The following IL4I1 variants were observed in gnomAD, a reference collection of about 807,000 sequenced individuals.
IL4I1 encodes the protein L-amino-acid oxidase.
A neutral mutation model predicts 29.7 loss-of-function variants in IL4I1; 24 were observed. The ratio of observed to expected loss-of-function variants is 0.81; its 90% CI spans 0.59 to 1.14. The LOEUF (loss-of-function observed/expected upper bound fraction) is 1.14, where lower values mean the gene tolerates loss of function less well. IL4I1 is among the 50% of genes most tolerant of loss of function. The probability of loss-of-function intolerance (pLI) is 0.00; values close to 1 mark genes in which losing one functional copy is unlikely to be tolerated. For missense variants in IL4I1, 686 were observed against 785.6 expected (o/e 0.87, Z 1.52); for synonymous variants, 371 against 352.5 (o/e 1.05, Z -0.59).
At chr19:49,897,864 T>C (rs1282847597), upstream of IL4I1, among the ~76,000 whole-genome samples, 1 of 149,208 alleles carries the variant, frequency 6.7e-6, no homozygotes, top group East Asian at 2.0e-4. Flanking sequence ...AGAAGGAAGA[T>C]GGGAAACTCC....
chr19:49,911,811 C>A lies in IL4I1; in HGVS notation c.-227-7490G>T, dbSNP rs563705205. Among the ~76,000 whole-genome samples, 3 of 152,306 alleles carry A rather than the reference C, an allele frequency of 2.0e-5. No homozygotes were observed. The East Asian group carries it at 5.8e-4, about 29-fold the overall frequency. On this transcript the variant is annotated intron_variant, in intron 2 of 9. Coordinates refer to the IL4I1 transcript ENST00000341114. ...CTGTGGCCCTGGCATTTTCATAAAG[C>A]TTTCCTGGGGGATTCTGAGAAAGGT... is the stretch of plus-strand genomic sequence containing the variant.
At chr19:49,907,959 G>T in intron 2 of IL4I1, 1 of 570,134 alleles carries the variant, frequency 1.8e-6, no homozygotes, top group Non-Finnish European at 3.0e-6. Flanking sequence ...ACCAGGCTGA[G>T]CCAGGATGAG....
At chr19:49,894,181 T>C in intron 5 of IL4I1, 87 bp downstream of exon 5, 1 of 1,303,708 alleles carries the variant, frequency 7.7e-7, no homozygotes, top group Non-Finnish European at 1.1e-6. Context: ...ACTGAAGGGA[T>C]GCCAGAGAGA....
chr19:49,909,876 G>A, intron 2 of IL4I1: 3 of 1,534,182 alleles, frequency 2.0e-6, no homozygotes, highest in Non-Finnish European at 2.7e-6. Context: ...TGCAGCCTTG[G>A]GAAGATTTCT....
At chr19:49,891,197 CAT>C in intron 6 of IL4I1, 90 bp from the exon 7 acceptor site, 1 of 1,544,828 alleles carries the variant, frequency 6.5e-7, no homozygotes, top group East Asian at 2.3e-5. Context: ...GGTCCCATGA[CAT>C]GTCCTTGGAC....
upstream of IL4I1, among the ~76,000 whole-genome samples, chr19:49,899,511 A>G (rs920950981): frequency 6.6e-6 from 1 of 150,506 alleles, no homozygotes; most frequent in South Asian, 2.1e-4. Context: ...CAGCCTCCCT[A>G]GTAGCTGGGA....
intron 2 of IL4I1, among the ~76,000 whole-genome samples, chr19:49,915,391 A>T (rs2075597812): frequency 6.6e-6 from 1 of 152,230 alleles, no homozygotes; most frequent in African/African-American, 2.4e-5. Context: ...CTGGCTTTGA[A>T]GATGAGGGGG....
intron 2 of IL4I1, chr19:49,907,073 A>G (rs1278445974): frequency 4.5e-5 from 7 of 156,900 alleles, no homozygotes; most frequent in African/African-American, 1.2e-4. Context: ...ACTGGGCTTC[A>G]TTGTTCTTTC....
Position 49,889,812 on chromosome 19 carries a change from G to A in IL4I1, c.1562C>T (p.Ala521Val). The change falls in exon 8 of 8, where the codon GCA becomes GTA. Residue 521 changes from alanine (A) to valine (V), a missense_variant. Coordinates refer to ENST00000391826, the MANE Select transcript of IL4I1 (RefSeq NM_152899.2). ...ASDTASPEGHASDMEGQGHVH... is the reference protein window; with the variant it reads ...ASDTASPEGHVSDMEGQGHVH... ...ATGCCCCTGCCCCTCCATGTCAGAT[G>A]CGTGCCCCTCGGGGCTGGCCGTGTC... 1 of 1,550,878 alleles carries A rather than the reference G, an allele frequency of 6.4e-7. No homozygotes were observed. The highest frequency in any genetic ancestry group is 8.7e-7 in the Non-Finnish European group (1 of 1,148,060).
At chr19:49,909,672 C>A (rs1366658525) in intron 2 of IL4I1, 7 of 1,613,930 alleles carry the variant, frequency 4.3e-6, no homozygotes, top group Non-Finnish European at 5.9e-6. Context: ...TGGAAGGGAG[C>A]CCCAAAATTA....
intron 2 of IL4I1, among the ~76,000 whole-genome samples, chr19:49,922,711 GAA>G (rs879873471): frequency 2.4e-4 from 35 of 144,202 alleles, no homozygotes; most frequent in Non-Finnish European, 4.7e-4. Flanking sequence ...GGATCTCACA[GAA>G]AAAAAAAAAA....
intron 2 of IL4I1, among the ~76,000 whole-genome samples, chr19:49,904,532 T>G (rs1005505216): frequency 3.9e-5 from 6 of 152,058 alleles, no homozygotes; most frequent in Non-Finnish European, 7.4e-5. Context: ...CTTTGGGGTA[T>G]GGGAAGAAAA....
At position 49,891,385 on chromosome 19, in the gene IL4I1, G is replaced by A. The variant is rs777671626; in HGVS notation, c.636+20C>T. 4.3e-6 allele frequency: 7 copies of A among 1,612,354 alleles called. No individual in the cohort carries two copies. The South Asian group carries it at 7.7e-5, about 18-fold the overall frequency. On this transcript the variant is annotated intron_variant, in intron 6 of 7. Transcript: ENST00000391826. ...ACTCTCTTTGCCCTGCATCTCAGCA[G>A]AACCAAGATCCCCACTTACCAAGAG...
In IL4I1 at chr19:49,891,090, C is replaced by T. The variant is rs781064185; in HGVS notation, c.654G>A (p.Glu218=). 6.2e-7 allele frequency: 1 copy of T among 1,613,176 alleles called. No individual in the cohort carries two copies. The highest frequency in any genetic ancestry group is 8.5e-7 in the Non-Finnish European group (1 of 1,179,766). Residue 218 remains glutamate, a synonymous_variant, in exon 7 of 8, where the codon GAG becomes GAA. Transcript: ENST00000391826. ...RHTLLEYLLG[E]GNLSRPAVQL... The stretch of plus-strand genomic sequence containing the variant: ...GCACGGCCGGCCGGCTCAGGTTCCC[C>T]TCCCCGAGAAGATATTCCTGCAGGT...
chr19:49,909,215 G>T (rs1264187394), intron 2 of IL4I1: 1 of 1,614,106 alleles, frequency 6.2e-7, no homozygotes, highest in African/African-American at 1.3e-5. Context: ...ACCTGCTGTG[G>T]TGGCTGCTGG....
intron 5 of IL4I1, among the ~76,000 whole-genome samples, chr19:49,891,760 AT>A (rs1381498420): frequency 1.3e-5 from 2 of 151,944 alleles, no homozygotes; most frequent in Non-Finnish European, 2.9e-5. Context: ...TATTTTGCCT[AT>A]TTTTCAGCCA....
chr19:49,896,770 G>T, intron 1 of IL4I1, 65 bp downstream of exon 1: 1 of 930,160 alleles, frequency 1.1e-6, no homozygotes. Context: ...GCTCCTGACT[G>T]CTTCTCAGTC....
At chr19:49,891,130 G>A (rs767163228) in intron 6 of IL4I1, 23 bp from the exon 7 acceptor site, 1 of 1,607,288 alleles carries the variant, frequency 6.2e-7, no homozygotes, top group Admixed American at 1.7e-5. Flanking sequence ...CACAGGCCGA[G>A]GTTAGGGCCC....
intron 2 of IL4I1, chr19:49,909,895 G>A: frequency 7.0e-7 from 1 of 1,426,852 alleles, no homozygotes. Context: ...CTAAAGCAGA[G>A]GAAGTGACAT....
Sources: gnomAD v4.1 joint callset for allele counts (sites outside exome capture counted in the v4.1 genomes callset) on GRCh38, gnomAD v4.1.1 for gene constraint, MANE v1.5 for transcripts, NCBI Gene and HGNC (gene_info 2026-07-23, HGNC 2026-07-21) for gene names.